The following GALNT18 variants were observed in gnomAD, a reference collection of about 807,000 sequenced individuals.
GALNT18 encodes the protein GalNAc-transferase 18.
A neutral mutation model predicts 69.5 loss-of-function variants in GALNT18; 44 were observed. That is an observed-to-expected ratio of 0.63 (90% CI 0.50 to 0.81). GALNT18 has a LOEUF of 0.81. GALNT18 is among the 40% of genes least tolerant of loss of function. The pLI is 0.00. For synonymous variants in GALNT18, 364 were observed against 318.2 expected, an observed-to-expected ratio of 1.14 and a Z score of -1.53; for missense variants, 715 against 810.0, an observed-to-expected ratio of 0.88 and a Z score of 1.42.
At chr11:11,316,816 G>T (rs1849764528) in intron 9 of GALNT18, among the ~76,000 whole-genome samples, 1 of 152,196 alleles carries the variant, frequency 6.6e-6, no homozygotes, top group African/African-American at 2.4e-5. Flanking sequence ...TAGGTTGTAA[G>T]ATTTCATTGT....
Position 11,618,857 on chromosome 11 carries a change from A to G in GALNT18, c.235+2502T>C, listed in dbSNP as rs972995932. 3.3e-5 allele frequency among the ~76,000 whole-genome samples: 5 copies of G among 152,332 alleles called. No individual in the cohort carries two copies. The highest frequency in any genetic ancestry group is 1.2e-4 in the African/African-American group (5 of 41,584). ...ATTATTATTACCGCTTATTCCCTCC[A>G]GTTCAGCAAAGTAAACTGGATTGTT... On this transcript the variant is annotated intron_variant, in intron 1 of 10. Coordinates refer to ENST00000227756, the MANE Select transcript of GALNT18 (RefSeq NM_198516.3). The surrounding 1 kb of genome is among the most constrained non-coding windows in gnomAD (Gnocchi z 6.1).
chr11:11,321,329 A>G (rs939436177), intron 9 of GALNT18, among the ~76,000 whole-genome samples: 1 of 152,220 alleles, frequency 6.6e-6, no homozygotes, highest in South Asian at 2.1e-4. Context: ...AGCCTTCTGG[A>G]ATGATGGGTT....
In GALNT18 at chr11:11,584,717, G is replaced by C. The variant is rs1306958930; in HGVS notation, c.235+36642C>G. ...TTCTGCTGCAGACTGAAGTATGAAG[G>C]TTGTCTCAAGAGAAAGAGCTTATAC... On this transcript the variant is annotated intron_variant, in intron 1 of 10. Coordinates refer to ENST00000227756, the MANE Select transcript of GALNT18 (RefSeq NM_198516.3). The surrounding 1 kb of genome is among the most constrained non-coding windows in gnomAD (Gnocchi z 4.1). 6.6e-6 allele frequency among the ~76,000 whole-genome samples: 1 copy of C among 152,150 alleles called. No individual in the cohort carries two copies. Among genetic ancestry groups the C allele is most frequent in the South Asian group, 2.1e-4 (1 of 4,822 alleles).
Position 11,546,331 on chromosome 11 carries a change from C to T in GALNT18, c.235+75028G>A, listed in dbSNP as rs2133962859. ...ATCGGGACTCCCTGTCTTATCCTCC[C>T]CATGCACTAGATCCTGCCACTGCTG... On this transcript the variant is annotated intron_variant, in intron 1 of 10. Transcript: ENST00000227756. The surrounding 1 kb of genome is among the most constrained non-coding windows in gnomAD (Gnocchi z 5.8). Among the ~76,000 whole-genome samples the T allele has an allele frequency of 6.6e-6, 1 of 152,280 alleles. No individual in the cohort carries two copies. Among genetic ancestry groups the T allele is most frequent in the African/African-American group, 2.4e-5 (1 of 41,550 alleles).
intron 9 of GALNT18, among the ~76,000 whole-genome samples, chr11:11,299,886 A>G (rs1849464511): frequency 1.3e-5 from 2 of 152,210 alleles, no homozygotes; most frequent in East Asian, 1.9e-4. Flanking sequence ...TAAAAGTGGA[A>G]CTACAATTTA....
At chr11:11,273,296 C>T (rs1234629931) in intron 10 of GALNT18, among the ~76,000 whole-genome samples, 12 of 152,160 alleles carry the variant, frequency 7.9e-5, no homozygotes, top group Admixed American at 6.5e-5. Context: ...TTGCAAACTA[C>T]CCCTCTGACA....
In GALNT18 at chr11:11,543,168, G is replaced by C. The variant is rs1857965705; in HGVS notation, c.235+78191C>G. On this transcript the variant is annotated intron_variant, in intron 1 of 10. Coordinates refer to ENST00000227756, the MANE Select transcript of GALNT18 (RefSeq NM_198516.3). This position sits in a 1 kb window ranked among gnomAD's most constrained non-coding sequence, Gnocchi z 5.1. ...TCTTTCTACCTCTGCCACTTAGGGA[G>C]TAGAGCCTGCCAAATGGCTATAATG... 6.6e-6 allele frequency among the ~76,000 whole-genome samples: 1 copy of C among 152,224 alleles called. No homozygotes were observed. The highest frequency in any genetic ancestry group is 2.1e-4 in the South Asian group (1 of 4,830).
rs1487627506 is a variant in GALNT18, at chr11:11,613,251, G to A, written c.235+8108C>T. Among the ~76,000 whole-genome samples, 4 of 152,076 alleles carry A rather than the reference G, an allele frequency of 2.6e-5. No individual in the cohort carries two copies. Among genetic ancestry groups the A allele is most frequent in the African/African-American group, 9.7e-5 (4 of 41,404 alleles). On this transcript the variant is annotated intron_variant, in intron 1 of 10. Coordinates refer to ENST00000227756, the MANE Select transcript of GALNT18 (RefSeq NM_198516.3). This position sits in a 1 kb window ranked among gnomAD's most constrained non-coding sequence, Gnocchi z 4.2. ...CAGTTGGCTGCACTGGAACTACAGG[G>A]GATCTATAAAAGGTATACAGATCCA... is the stretch of plus-strand genomic sequence containing the variant.
rs773335179 is a variant in GALNT18 at position 11,341,118 on chromosome 11, T to C, written c.1093-114A>G. 12 of 900,500 alleles carry C rather than the reference T, an allele frequency of 1.3e-5. No homozygotes were observed. The highest frequency in any genetic ancestry group is 2.0e-5 in the Non-Finnish European group (12 of 594,152). The allele number at this position is 900,500 out of a possible 1,614,324, so 55.8% of individuals were successfully genotyped here. ...AGAAAGTCAGCCCCTTCACCTTGAC[T>C]CCCCAGATCACTCTCTGTGAAGGAG... is the stretch of plus-strand genomic sequence containing the variant. On this transcript the variant is annotated intron_variant, in intron 6 of 10. Coordinates refer to ENST00000227756, the MANE Select transcript of GALNT18 (RefSeq NM_198516.3). The surrounding 1 kb of genome is among the most constrained non-coding windows in gnomAD (Gnocchi z 6.3).
intron 1 of GALNT18, among the ~76,000 whole-genome samples, chr11:11,508,953 CGATACAACCCAAACTCCTTATCT>C (rs887680966): frequency 1.4e-4 from 22 of 152,250 alleles, no homozygotes; most frequent in Admixed American, 2.0e-4. Flanking sequence ...AAGAACTACC[CGATACAACCCAAACTCCTTATCT>C]GGCACTCAGG....
rs11602356 is a variant in GALNT18 at position 11,469,197 on chromosome 11, G to A, written c.236-20261C>T. 6.1e-3 allele frequency among the ~76,000 whole-genome samples: 929 copies of A among 152,250 alleles called. 7 individuals are homozygous for A. The highest frequency in any genetic ancestry group is 6.5e-3 in the Non-Finnish European group (445 of 68,014). ...AGTTGCTATAAACATAAAGAAGCCC[G>A]TCTGCTTTCTTGCCTCTGTGAATGT... On this transcript the variant is annotated intron_variant, in intron 1 of 10. Coordinates refer to ENST00000227756, the MANE Select transcript of GALNT18 (RefSeq NM_198516.3). This position sits in a 1 kb window ranked among gnomAD's most constrained non-coding sequence, Gnocchi z 4.2.
rs58795517 is a variant in GALNT18, at chr11:11,284,908, G to GTTTTTTTTTTTTT, written c.1677+8108_1677+8120dup. On this transcript the variant is annotated intron_variant, in intron 10 of 10. Coordinates refer to ENST00000227756, the MANE Select transcript of GALNT18 (RefSeq NM_198516.3). ...CTGATTTACTAGTAAAGACTTTCGT[G>GTTTTTTTTTTTTT]TTTTTTTTTTTTTTTTTTTTTTAAC... Among the ~76,000 whole-genome samples, 78 of 82,810 alleles carry GTTTTTTTTTTTTT rather than the reference G, an allele frequency of 9.4e-4. 12 individuals are homozygous for GTTTTTTTTTTTTT. The highest frequency in any genetic ancestry group is 2.6e-3 in the South Asian group (6 of 2,310). 54.3% of individuals were successfully genotyped at this position (82,810 alleles called of 152,430 possible).
At chr11:11,476,799 G>A (rs1856409638) in intron 1 of GALNT18, among the ~76,000 whole-genome samples, 1 of 152,192 alleles carries the variant, frequency 6.6e-6, no homozygotes, top group East Asian at 1.9e-4. Context: ...AAGTTAAGCT[G>A]GGAATTTTCA....
rs905438643 is a variant in GALNT18 at position 11,500,660 on chromosome 11, C to G, written c.236-51724G>C. On this transcript the variant is annotated intron_variant, in intron 1 of 10. Coordinates refer to ENST00000227756, the MANE Select transcript of GALNT18 (RefSeq NM_198516.3). This position sits in a 1 kb window ranked among gnomAD's most constrained non-coding sequence, Gnocchi z 5.0. ...TGGTGACAGTGCCGAGCTAGAGAAG[C>G]CCTTCCCATGCACAGCACAGAGTCA... Among the ~76,000 whole-genome samples, 1 of 152,154 alleles carries G rather than the reference C, an allele frequency of 6.6e-6. No homozygotes were observed. The highest frequency in any genetic ancestry group is 1.5e-5 in the Non-Finnish European group (1 of 68,024).
In GALNT18 at chr11:11,332,163, C is replaced by A. The variant is rs145197176; in HGVS notation, c.1416+531G>T. ...CTCCAAACCCTATGCTCTGCCCCCT[C>A]CATCTTTCTCCCTCCCATCAGGGAG... On this transcript the variant is annotated intron_variant, in intron 8 of 10. Coordinates refer to ENST00000227756, the MANE Select transcript of GALNT18 (RefSeq NM_198516.3). The surrounding 1 kb of genome is among the most constrained non-coding windows in gnomAD (Gnocchi z 4.3). Among the ~76,000 whole-genome samples, 23 of 152,238 alleles carry A rather than the reference C, an allele frequency of 1.5e-4. No individual in the cohort carries two copies. Among genetic ancestry groups the A allele is most frequent in the Middle Eastern group, 3.4e-3 (1 of 294 alleles).
chr11:11,299,641 C>T (rs556680926), intron 9 of GALNT18, among the ~76,000 whole-genome samples: 5 of 152,294 alleles, frequency 3.3e-5, no homozygotes, highest in Admixed American at 2.0e-4. Context: ...GCTGCAAATG[C>T]CATTATCTCA....
In GALNT18 at chr11:11,283,808, G is replaced by T. The variant is rs570282179; in HGVS notation, c.1677+9221C>A. Among the ~76,000 whole-genome samples, 28 of 152,274 alleles carry T rather than the reference G, an allele frequency of 1.8e-4. No individual in the cohort carries two copies. In the South Asian group the frequency reaches 5.4e-3, roughly 29 times the overall value. On this transcript the variant is annotated intron_variant, in intron 10 of 10. Transcript: ENST00000227756. The stretch of plus-strand genomic sequence containing the variant: ...AATTAAACCTGGCAGGAGAGAAGCC[G>T]TAGCACACAGAGAACTTAATTGGAA...
Position 11,377,439 on chromosome 11 carries a change from T to A in GALNT18, c.780-60A>T. ...ATTTCCAAGGTGGAAAAATCCAGAG[T>A]AGCATCTCCTGAAGGTCCTTCCCCA... On this transcript the variant is annotated intron_variant, in intron 4 of 10. Transcript: ENST00000227756. The surrounding 1 kb of genome is among the most constrained non-coding windows in gnomAD (Gnocchi z 4.6). 2 of 1,474,052 alleles carry A rather than the reference T, an allele frequency of 1.4e-6. No homozygotes were observed. Among genetic ancestry groups the A allele is most frequent in the Non-Finnish European group, 1.9e-6 (2 of 1,056,808 alleles). The allele number at this position is 1,474,052 out of a possible 1,614,324, so 91.3% of individuals were successfully genotyped here.
chr11:11,493,425 G>A (rs560577307), intron 1 of GALNT18, among the ~76,000 whole-genome samples: 12 of 152,088 alleles, frequency 7.9e-5, no homozygotes, highest in African/African-American at 2.7e-4. Context: ...TCCTGGTTTC[G>A]TGACCAGCTC....
Sources: allele counts gnomAD v4.1 joint callset (sites outside exome capture counted in the v4.1 genomes callset), GRCh38; gene constraint gnomAD v4.1.1; non-coding constraint Gnocchi (gnomAD v3.1); transcripts MANE v1.5; gene names NCBI Gene and HGNC (gene_info 2026-07-23, HGNC 2026-07-21).